The following KIAA0319L variants were observed in gnomAD, a reference collection of about 807,000 sequenced individuals.
KIAA0319L encodes dyslexia-associated protein KIAA0319-like protein.
KIAA0319L carries 55 observed loss-of-function variants against 120.1 expected under a neutral mutation model. The observed-to-expected ratio is 0.46, with a 90% CI of 0.37 to 0.57. KIAA0319L has a LOEUF of 0.57. Ranked by LOEUF, KIAA0319L falls within the 20% of genes least tolerant of loss-of-function variation. The pLI, the probability that KIAA0319L is intolerant of heterozygous loss-of-function variation, is 0.00. For synonymous variants in KIAA0319L, 398 were observed against 471.9 expected (o/e 0.84, Z 2.03); for missense variants, 1,049 against 1,255.3 (o/e 0.84, Z 2.48).
intron 4 of KIAA0319L, among the ~76,000 whole-genome samples, chr1:35,477,666 CAA>C (rs34588440): frequency 0.12 from 6,904 of 55,402 alleles, 251 homozygotes; most frequent in East Asian, 0.42. Flanking sequence ...GACTCTGTCT[CAA>C]AAAAAAAAAA....
intron 20 of KIAA0319L, chr1:35,439,263 T>C (rs1641026316): frequency 6.6e-6 from 1 of 152,272 alleles, no homozygotes; most frequent in Non-Finnish European, 1.5e-5. Flanking sequence ...GAATGCTATT[T>C]CCTGCAGCTT....
Position 35,434,079 on chromosome 1 carries a change from ATTTCTTT to A in KIAA0319L, c.*808_*814del, listed in dbSNP as rs1640603149. 1 of 133,316 alleles carries A rather than the reference ATTTCTTT, an allele frequency of 7.5e-6. No homozygotes were observed. The highest frequency in any genetic ancestry group is 2.9e-5 in the African/African-American group (1 of 34,212). 8.3% of individuals were successfully genotyped at this position (133,316 alleles called of 1,614,324 possible). A position where few individuals can be genotyped will look rare whatever the true frequency, so the allele number is the denominator to read the frequency against. Reference sequence around the variant, plus strand: ...CAGTGTTAAGGGGGGGCCAGATATCATTTCTTTTTTTTTTTTTTTTTTTTTGACGGAG... The same window carrying A: ...CAGTGTTAAGGGGGGGCCAGATATCATTTTTTTTTTTTTTTTTTGACGGAG... On this transcript the variant is annotated 3_prime_UTR_variant, in exon 21 of 21. Coordinates refer to ENST00000325722, the MANE Select transcript of KIAA0319L (RefSeq NM_024874.5).
At position 35,542,151 on chromosome 1, in the gene KIAA0319L, A is replaced by G. The variant is rs1646818039; in HGVS notation, c.142+12199T>C. 2.6e-5 allele frequency among the ~76,000 whole-genome samples: 4 copies of G among 152,218 alleles called. No individual in the cohort carries two copies. The South Asian group carries it at 8.3e-4, about 32-fold the overall frequency. On this transcript the variant is annotated intron_variant, in intron 2 of 20. Transcript: ENST00000325722. The stretch of plus-strand genomic sequence containing the variant: ...GGTTAGACAAGAATTTAACCATATT[A>G]AACTTTTACGTTATTGCTAACAATT...
Position 35,453,680 on chromosome 1 carries a change from T to C in KIAA0319L, c.1790A>G (p.Lys597Arg). The C allele has an allele frequency of 6.2e-7, 1 of 1,613,042 alleles. No individual in the cohort carries two copies. Among genetic ancestry groups the C allele is most frequent in the Non-Finnish European group, 8.5e-7 (1 of 1,179,452 alleles). ...VTVIVQPENNKPPQADAGPDK... is the reference protein window; with the variant it reads ...VTVIVQPENNRPPQADAGPDK... ...TGGGCCTGCATCTGCCTGAGGAGGC[T>C]TATTGTTTTCTGGAAGACAAAGAGT... Residue 597 changes from lysine (K) to arginine (R), a missense_variant, in exon 12 of 21, where the codon AAG (lysine) becomes AGG (arginine). Physicochemically the swap from Lys to Arg is conservative, Grantham distance 26. Transcript: ENST00000325722. This position sits in a 1 kb window ranked among gnomAD's most constrained non-coding sequence, Gnocchi z 4.1.
chr1:35,514,242 A>G (rs574941724), intron 2 of KIAA0319L, among the ~76,000 whole-genome samples: 5 of 152,202 alleles, frequency 3.3e-5, no homozygotes, highest in Admixed American at 6.5e-5. Flanking sequence ...AAAAGTGCAC[A>G]CATAGTCGGG....
chr1:35,530,840 C>T (rs543744250), intron 2 of KIAA0319L, among the ~76,000 whole-genome samples: 13 of 152,120 alleles, frequency 8.5e-5, no homozygotes, highest in African/African-American at 2.7e-4. Flanking sequence ...TCTTCGGCAA[C>T]GAACACCATC....
intron 2 of KIAA0319L, among the ~76,000 whole-genome samples, chr1:35,522,537 C>G (rs1486922169): frequency 6.6e-6 from 1 of 152,110 alleles, no homozygotes; most frequent in African/African-American, 2.4e-5. Flanking sequence ...CTTGGCCTCT[C>G]AAAGTGCTGG....
At chr1:35,511,503 G>A (rs1295121962) in intron 2 of KIAA0319L, 1 of 151,844 alleles carries the variant, frequency 6.6e-6, no homozygotes, top group East Asian at 1.9e-4. Context: ...GATGAGGTGG[G>A]AGGACCACTT....
At chr1:35,486,919 AAAAC>A (rs1644411466) in intron 3 of KIAA0319L, among the ~76,000 whole-genome samples, 1 of 152,100 alleles carries the variant, frequency 6.6e-6, no homozygotes, top group Admixed American at 6.6e-5. Context: ...AAACAAAAAC[AAAAC>A]AAACATTTTC....
chr1:35,495,810 A>G (rs973013070), intron 3 of KIAA0319L, among the ~76,000 whole-genome samples: 1 of 147,812 alleles, frequency 6.8e-6, no homozygotes, highest in Non-Finnish European at 1.5e-5. Context: ...GCACCACCAC[A>G]CCCAGATAAT....
At chr1:35,483,347 T>A (rs1320608042) in intron 3 of KIAA0319L, among the ~76,000 whole-genome samples, 1 of 152,236 alleles carries the variant, frequency 6.6e-6, no homozygotes, top group Non-Finnish European at 1.5e-5. Context: ...TTCTCCTGGG[T>A]TCTCTTCCAT....
intron 2 of KIAA0319L, among the ~76,000 whole-genome samples, chr1:35,516,395 C>T (rs1414974994): frequency 6.6e-6 from 1 of 152,176 alleles, no homozygotes; most frequent in East Asian, 1.9e-4. Flanking sequence ...TTTGGGTCAA[C>T]ATACACAAAT....
chr1:35,497,589 C>A lies in KIAA0319L; in HGVS notation c.666+9023G>T, dbSNP rs558755806. The stretch of plus-strand genomic sequence containing the variant: ...ATAAATAAACTAACCAAATTGTACA[C>A]TTTAAACATGTACAGTTTATGATAT... On this transcript the variant is annotated intron_variant, in intron 3 of 20. Transcript: ENST00000325722. 9.2e-5 allele frequency among the ~76,000 whole-genome samples: 14 copies of A among 152,236 alleles called. No individual in the cohort carries two copies. The East Asian group carries it at 2.7e-3, about 29-fold the overall frequency.
At chr1:35,550,863 A>G (rs1334064668) in intron 2 of KIAA0319L, among the ~76,000 whole-genome samples, 1 of 152,114 alleles carries the variant, frequency 6.6e-6, no homozygotes, top group Non-Finnish European at 1.5e-5. Flanking sequence ...CACCACACCC[A>G]GCTTTTCTTT....
In KIAA0319L at chr1:35,450,431, C is replaced by G; in HGVS notation, c.2141G>C (p.Gly714Ala). ...TLPTSTAELDGSKSSDDKGIV... is the reference protein window; with the variant it reads ...TLPTSTAELDASKSSDDKGIV... ...TCCCTTGTCATCTGAGGACTTAGAG[C>G]CATCCAGCTCTGCTGTGCTCGTGGG... is the stretch of plus-strand genomic sequence containing the variant. The change falls in exon 14 of 21, where the codon GGC becomes GCC. Residue 714 changes from glycine (G) to alanine (A), a missense_variant. Coordinates refer to ENST00000325722, the MANE Select transcript of KIAA0319L (RefSeq NM_024874.5). 2 of 1,614,074 alleles carry G rather than the reference C, an allele frequency of 1.2e-6. No homozygotes were observed. Among genetic ancestry groups the G allele is most frequent in the Non-Finnish European group, 1.7e-6 (2 of 1,179,940 alleles).
At chr1:35,441,533 A>G (rs1382520818) in intron 19 of KIAA0319L, among the ~76,000 whole-genome samples, 1 of 152,106 alleles carries the variant, frequency 6.6e-6, no homozygotes, top group Non-Finnish European at 1.5e-5. Context: ...TCTAAGTTTT[A>G]TAAGAGGTTA....
intron 5 of KIAA0319L, among the ~76,000 whole-genome samples, chr1:35,471,453 T>C (rs989543572): frequency 1.3e-5 from 2 of 152,226 alleles, no homozygotes; most frequent in African/African-American, 4.8e-5. Context: ...TTAAAAGAGC[T>C]ACTTCATTCC....
chr1:35,521,338 C>CA (rs1645901446), intron 2 of KIAA0319L, among the ~76,000 whole-genome samples: 2 of 149,150 alleles, frequency 1.3e-5, no homozygotes, highest in African/African-American at 2.5e-5. Flanking sequence ...GACTCAGTCT[C>CA]AAAAAAATAA....
chr1:35,468,812 G>C (rs1264053686), intron 6 of KIAA0319L, among the ~76,000 whole-genome samples: 3 of 152,166 alleles, frequency 2.0e-5, no homozygotes, highest in Non-Finnish European at 2.9e-5. Context: ...AATTATTAAA[G>C]GCATGGCCTT....
Sources: gnomAD v4.1 joint callset for allele counts (sites outside exome capture counted in the v4.1 genomes callset) on GRCh38, gnomAD v4.1.1 for gene constraint, Gnocchi (gnomAD v3.1) non-coding constraint, MANE v1.5 for transcripts, NCBI Gene and HGNC (gene_info 2026-07-23, HGNC 2026-07-21) for gene names.